The following IQGAP2 variants were observed in gnomAD, a reference collection of about 807,000 sequenced individuals.
IQGAP2 encodes IQ motif containing GTPase activating protein 2.
A neutral mutation model predicts 201.3 loss-of-function variants in IQGAP2; 173 were observed. The ratio of observed to expected loss-of-function variants is 0.86; its 90% confidence interval spans 0.76 to 0.98. The LOEUF is 0.98. Ranked by LOEUF, IQGAP2 falls within the 50% of genes least tolerant of loss-of-function variation. IQGAP2 has a pLI of 0.00. For synonymous variants in IQGAP2, 675 were observed against 673.9 expected, an observed-to-expected ratio of 1.00 and a Z score of -0.03; for missense variants, 1,687 against 1,864.8, an observed-to-expected ratio of 0.90 and a Z score of 1.76.
chr5:76,574,465 G>T (rs1157483171), intron 4 of IQGAP2, among the ~76,000 whole-genome samples: 7 of 151,370 alleles, frequency 4.6e-5, no homozygotes, highest in Non-Finnish European at 7.4e-5. Flanking sequence ...CACCACGCCT[G>T]GCTAATGTTG....
chr5:76,679,422 A>T (rs1161034654), intron 28 of IQGAP2, among the ~76,000 whole-genome samples: 2 of 152,186 alleles, frequency 1.3e-5, no homozygotes, highest in Non-Finnish European at 2.9e-5. Context: ...ATTTCATAGG[A>T]AGACTGTCCT....
intron 31 of IQGAP2, 104 bp downstream of exon 31, chr5:76,693,546 G>A: frequency 2.6e-6 from 2 of 759,272 alleles, no homozygotes; most frequent in Non-Finnish European, 4.4e-6. Context: ...ATCTGACATG[G>A]TCCGGAAGTA....
At chr5:76,423,776 G>A (rs1307408184) in intron 1 of IQGAP2, among the ~76,000 whole-genome samples, 1 of 152,198 alleles carries the variant, frequency 6.6e-6, no homozygotes, top group African/African-American at 2.4e-5. Context: ...TGGGCACTGA[G>A]CTAGTGAGAG....
rs770132626 is a variant in IQGAP2, at chr5:76,641,093, T to C, written c.2084T>C (p.Val695Ala). ...SFLHEQEENV[V>A]KIQAFWKGYK... ...TTGCATGAACAAGAAGAGAATGTGG[T>C]CAAAATACAGGTATGTGGATCACCT... is the stretch of plus-strand genomic sequence containing the variant. The change falls in exon 17 of 36, where the codon GTC becomes GCC. Residue 695 changes from valine (V) to alanine (A), a missense_variant. Transcript: ENST00000274364. 5.6e-6 allele frequency: 9 copies of C among 1,598,590 alleles called. No individual in the cohort carries two copies. The highest frequency in any genetic ancestry group is 7.7e-6 in the Non-Finnish European group (9 of 1,167,614).
Position 76,503,645 on chromosome 5 carries a change from G to A in IQGAP2, c.146+41976G>A, listed in dbSNP as rs1242569264. On this transcript the variant is annotated intron_variant, in intron 2 of 35. Transcript: ENST00000274364. ...TCACTCTTCTCACCCAGGCTGGAGT[G>A]TAGTGGCATGATCTCGGCTCACTGC... Among the ~76,000 whole-genome samples, 7 of 151,990 alleles carry A rather than the reference G, an allele frequency of 4.6e-5. No homozygotes were observed. In the South Asian group the frequency reaches 6.2e-4, roughly 14 times the overall value.
chr5:76,506,006 G>A (rs1380931429), intron 2 of IQGAP2, among the ~76,000 whole-genome samples: 1 of 152,114 alleles, frequency 6.6e-6, no homozygotes, highest in Non-Finnish European at 1.5e-5. Flanking sequence ...AGCAGATACT[G>A]TGCTAGGTTT....
At chr5:76,421,790 T>A (rs562956853) in intron 1 of IQGAP2, among the ~76,000 whole-genome samples, 25 of 152,350 alleles carry the variant, frequency 1.6e-4, no homozygotes, top group African/African-American at 5.5e-4. Flanking sequence ...CTTTGACCTC[T>A]ATAAATAGTG....
At chr5:76,559,645 C>T (rs1744197242) in intron 2 of IQGAP2, among the ~76,000 whole-genome samples, 1 of 152,170 alleles carries the variant, frequency 6.6e-6, no homozygotes, top group Non-Finnish European at 1.5e-5. Context: ...TCTCTCCCTG[C>T]CTTTCCAACT....
intron 6 of IQGAP2, among the ~76,000 whole-genome samples, 197 bp from the exon 7 acceptor site, chr5:76,589,418 G>A (rs1253538254): frequency 6.6e-6 from 1 of 151,098 alleles, no homozygotes; most frequent in Non-Finnish European, 1.5e-5. Flanking sequence ...GACCTATCTT[G>A]TTTGTTCTTG....
intron 2 of IQGAP2, among the ~76,000 whole-genome samples, chr5:76,531,462 G>A (rs1337023403): frequency 6.6e-6 from 1 of 151,994 alleles, no homozygotes; most frequent in Admixed American, 6.6e-5. Context: ...ACAGGGTTTT[G>A]CTATGTTGTC....
chr5:76,527,734 G>A (rs1759052895), intron 2 of IQGAP2, among the ~76,000 whole-genome samples: 4 of 152,168 alleles, frequency 2.6e-5, no homozygotes, highest in Admixed American at 1.3e-4. Flanking sequence ...CATATGAATG[G>A]TAAGCATTCT....
intron 24 of IQGAP2, 119 bp from the exon 25 acceptor site, chr5:76,673,330 A>T: frequency 3.1e-6 from 3 of 962,878 alleles, no homozygotes; most frequent in Non-Finnish European, 4.5e-6. Flanking sequence ...ACATTTTGTT[A>T]CTGGAGTCAG....
At chr5:76,544,279 C>A (rs923414163) in intron 2 of IQGAP2, among the ~76,000 whole-genome samples, 1 of 152,044 alleles carries the variant, frequency 6.6e-6, no homozygotes, top group African/African-American at 2.4e-5. Context: ...GAGTAAAGAC[C>A]CTGAATCCCC....
At chr5:76,693,833 T>C (rs1746490985) in intron 31 of IQGAP2, 1 of 157,866 alleles carries the variant, frequency 6.3e-6, no homozygotes, top group Non-Finnish European at 1.4e-5. Context: ...GACTCACATG[T>C]TAAAGATGTT....
intron 5 of IQGAP2, among the ~76,000 whole-genome samples, chr5:76,576,428 G>A (rs1300513212): frequency 1.3e-5 from 2 of 152,112 alleles, no homozygotes; most frequent in Non-Finnish European, 2.9e-5. Flanking sequence ...ATTTTTAGAT[G>A]GTAACAAAGA....
chr5:76,499,810 TA>T (rs898032887), intron 2 of IQGAP2, among the ~76,000 whole-genome samples: 2 of 151,380 alleles, frequency 1.3e-5, no homozygotes, highest in African/African-American at 4.8e-5. Flanking sequence ...TTAATTTCCT[TA>T]AAAAAAAATC....
chr5:76,680,931 C>T (rs1335837459), intron 28 of IQGAP2, among the ~76,000 whole-genome samples: 1 of 150,942 alleles, frequency 6.6e-6, no homozygotes, highest in Non-Finnish European at 1.5e-5. Flanking sequence ...ATGGAGAAAC[C>T]CTATCTTTAT....
At chr5:76,570,700 G>A (rs368635855) in intron 4 of IQGAP2, 43 bp downstream of exon 4, 13 of 1,284,176 alleles carry the variant, frequency 1.0e-5, no homozygotes, top group Non-Finnish European at 1.4e-5. Context: ...AAGGCAAAGG[G>A]GTAGTACACA....
chr5:76,533,481 A>G (rs182103863), intron 2 of IQGAP2, among the ~76,000 whole-genome samples: 29 of 151,942 alleles, frequency 1.9e-4, no homozygotes, highest in Admixed American at 1.5e-3. Flanking sequence ...TGAGCATTTT[A>G]ATTTTTCTTT....
Sources: allele counts gnomAD v4.1 joint callset (sites outside exome capture counted in the v4.1 genomes callset), GRCh38; gene constraint gnomAD v4.1.1; transcripts MANE v1.5; gene names NCBI Gene and HGNC (gene_info 2026-07-23, HGNC 2026-07-21).